MOV10L1: variants seen among roughly 807,000 people sequenced by gnomAD.
The protein encoded by MOV10L1 is RNA helicase Mov10l1.
In MOV10L1, 110 loss-of-function variants were observed where a neutral mutation model predicts 143.8. That is an observed-to-expected ratio of 0.76 (90% CI 0.66 to 0.90). The LOEUF (loss-of-function observed/expected upper bound fraction) is 0.90. Among genes scored for constraint, MOV10L1 ranks in the 40% least tolerant of loss-of-function variants. The probability of loss-of-function intolerance (pLI) is 0.00; values close to 1 mark genes in which losing one functional copy is unlikely to be tolerated. For synonymous variants in MOV10L1, 593 were observed against 581.1 expected (o/e 1.02, Z -0.29); for missense variants, 1,406 against 1,526.8 (o/e 0.92, Z 1.32).
chr22:50,113,599 A>G, intron 5 of MOV10L1, 49 bp from the exon 6 acceptor site: 3 of 1,593,666 alleles, frequency 1.9e-6, no homozygotes, highest in South Asian at 1.1e-5. Context: ...CAGGCGAGGA[A>G]GGGGTGGTGC....
At chr22:50,127,970 C>G (rs1189413731) in intron 12 of MOV10L1, among the ~76,000 whole-genome samples, 3 of 152,072 alleles carry the variant, frequency 2.0e-5, no homozygotes, top group Non-Finnish European at 4.4e-5. Context: ...ATGGTTTCGC[C>G]CCGTTGGCCA....
intron 3 of MOV10L1, among the ~76,000 whole-genome samples, chr22:50,105,073 G>A (rs1332389868): frequency 6.6e-6 from 1 of 152,066 alleles, no homozygotes; most frequent in Non-Finnish European, 1.5e-5. Flanking sequence ...TGTGTTTCTT[G>A]TAGAGACAGG....
chr22:50,115,540 G>T (rs1188826168), intron 8 of MOV10L1, among the ~76,000 whole-genome samples: 1 of 152,160 alleles, frequency 6.6e-6, no homozygotes, highest in Non-Finnish European at 1.5e-5. Context: ...GACGGAGCAA[G>T]ACTCTGTCTC....
At chr22:50,117,814 G>T (rs2062224038) in intron 9 of MOV10L1, among the ~76,000 whole-genome samples, 1 of 152,218 alleles carries the variant, frequency 6.6e-6, no homozygotes, top group Non-Finnish European at 1.5e-5. Flanking sequence ...AGGAGAAGCA[G>T]TGTGTGATCT....
chr22:50,125,479 A>C lies in MOV10L1; in HGVS notation c.1657A>C (p.Asn553His). The change falls in exon 11 of 27, where the codon AAC (asparagine) becomes CAC (histidine). Residue 553 changes from asparagine (N) to histidine (H), a missense_variant. This residue lies in a region of MOV10L1 where 1,233 missense variants were observed against 1,351.4 expected (regional missense o/e 0.91). Transcript: ENST00000262794. ...IYAEMELKEYNMSGIILRRNG... is the reference protein window; with the variant it reads ...IYAEMELKEYHMSGIILRRNG... ...TGCAGAAATGGAACTGAAAGAGTAT[A>C]ACATGAGCGGGATCATCTTAAGAAG... 1.2e-6 allele frequency: 2 copies of C among 1,614,216 alleles called. No homozygotes were observed. Among genetic ancestry groups the C allele is most frequent in the Non-Finnish European group, 8.5e-7 (1 of 1,180,038 alleles).
At chr22:50,094,776 T>G (rs1254252961) in intron 2 of MOV10L1, 1 of 152,220 alleles carries the variant, frequency 6.6e-6, no homozygotes, top group Admixed American at 6.5e-5. Context: ...ATGTACTTTA[T>G]TATACTATTA....
At chr22:50,102,896 T>C (rs2061781459) in intron 3 of MOV10L1, among the ~76,000 whole-genome samples, 1 of 151,596 alleles carries the variant, frequency 6.6e-6, no homozygotes, top group African/African-American at 2.4e-5. Context: ...GCAAAACTCC[T>C]TCTCAAAAAA....
Position 50,114,614 on chromosome 22 carries a change from T to C in MOV10L1, c.1118T>C (p.Ile373Thr), listed in dbSNP as rs2062116395. ...SESSLVNNRG[I>T]SPGDCTCKGE... ...AGCAGTTTGGTGAACAACAGAGGAATCTCTCCAGGTAGTGGACGTTTCGGC... is the reference window on the plus strand; with the variant it reads ...AGCAGTTTGGTGAACAACAGAGGAACCTCTCCAGGTAGTGGACGTTTCGGC... Residue 373 changes from isoleucine (I) to threonine (T), a missense_variant, in exon 7 of 27, where the codon ATC becomes ACC. By Grantham distance (89) the Ile-to-Thr change is moderately conservative. Coordinates refer to ENST00000262794, the MANE Select transcript of MOV10L1 (RefSeq NM_018995.3). 13 of 1,613,912 alleles carry C rather than the reference T, an allele frequency of 8.1e-6. No individual in the cohort carries two copies. Among genetic ancestry groups the C allele is most frequent in the Non-Finnish European group, 1.1e-5 (13 of 1,179,958 alleles).
intron 12 of MOV10L1, among the ~76,000 whole-genome samples, chr22:50,127,770 G>GT (rs34095613): frequency 0.22 from 33,562 of 150,410 alleles, 4,113 homozygotes; most frequent in Admixed American, 0.35. Context: ...TGTAATGACT[G>GT]TTTTTTTTGT....
At chr22:50,092,422 G>A (rs1240482772) in intron 2 of MOV10L1, among the ~76,000 whole-genome samples, 1 of 152,120 alleles carries the variant, frequency 6.6e-6, no homozygotes, top group African/African-American at 2.4e-5. Context: ...CTTGAGCTCA[G>A]GTGTTAAGAG....
At position 50,160,769 on chromosome 22, in the gene MOV10L1, A is replaced by G. The variant is rs1045489818; in HGVS notation, c.3406A>G (p.Ile1136Val). ...CAACTCAAAAAGATTTAATGTTGCA[A>G]TCACCAGACCCAAAGCTTTGCTGAT... is the stretch of plus-strand genomic sequence containing the variant. Reference protein sequence around the residue: ...LSNSKRFNVAITRPKALLIVL... With the variant: ...LSNSKRFNVAVTRPKALLIVL... The change falls in exon 25 of 27, where the codon ATC (isoleucine) becomes GTC (valine). Residue 1136 changes from isoleucine (I) to valine (V), a missense_variant. Transcript: ENST00000262794. 41 of 1,614,086 alleles carry G rather than the reference A, an allele frequency of 2.5e-5. No homozygotes were observed. Among genetic ancestry groups the G allele is most frequent in the Middle Eastern group, 1.6e-4 (1 of 6,062 alleles).
intron 22 of MOV10L1, 99 bp downstream of exon 22, chr22:50,153,317 G>A (rs899615197): frequency 1.3e-5 from 18 of 1,368,170 alleles, no homozygotes; most frequent in Middle Eastern, 1.9e-4. Context: ...TGCCTGTGGC[G>A]GGGCAGATGT....
chr22:50,113,728 A>G lies in MOV10L1; in HGVS notation c.824A>G (p.Gln275Arg). ...LKNKGDIEVT[Q>R]VTHFGTLKEG... Reference sequence around the variant, plus strand: ...AACAAAGGTGATATTGAAGTTACACAGGTGACGCATTTTGGAACCCTAAAG... The same window carrying G: ...AACAAAGGTGATATTGAAGTTACACGGGTGACGCATTTTGGAACCCTAAAG... The change falls in exon 6 of 27, where the codon CAG becomes CGG. Residue 275 changes from glutamine (Q) to arginine (R), a missense_variant. This residue lies in a region of MOV10L1 where 1,233 missense variants were observed against 1,351.4 expected (regional missense o/e 0.91). Transcript: ENST00000262794. 6.2e-7 allele frequency: 1 copy of G among 1,614,134 alleles called. No homozygotes were observed. Among genetic ancestry groups the G allele is most frequent in the South Asian group, 1.1e-5 (1 of 91,080 alleles).
chr22:50,130,272 C>T (rs1170296051), intron 13 of MOV10L1, among the ~76,000 whole-genome samples: 1 of 151,518 alleles, frequency 6.6e-6, no homozygotes, highest in East Asian at 1.9e-4. Context: ...GACTCTGTCT[C>T]AAAAAATAAA....
intron 3 of MOV10L1, among the ~76,000 whole-genome samples, chr22:50,100,645 A>G (rs1361169023): frequency 6.6e-6 from 1 of 151,902 alleles, no homozygotes; most frequent in Non-Finnish European, 1.5e-5. Flanking sequence ...TCCTGAGACT[A>G]CAGGTGCCCA....
chr22:50,159,784 C>A lies in MOV10L1; in HGVS notation c.3323C>A (p.Thr1108Asn). Reference sequence around the variant, plus strand: ...GAGTATCTGGTCATCATCATTTCGACCGTAGGTATCCCTGTTCTCCGTGGG... The same window carrying A: ...GAGTATCTGGTCATCATCATTTCGAACGTAGGTATCCCTGTTCTCCGTGGG... ...GQEYLVIIIS[T>N]VRSNEDRFED... Residue 1108 changes from threonine to asparagine, a missense_variant and splice_region_variant, in exon 24 of 27, where the codon ACC becomes AAC. Thr to Asn is a moderately conservative substitution (Grantham distance 65, BLOSUM62 0). Transcript: ENST00000262794. The surrounding 1 kb of genome is among the most constrained non-coding windows in gnomAD (Gnocchi z 4.1). The A allele has an allele frequency of 6.2e-7, 1 of 1,600,722 alleles. No homozygotes were observed. The highest frequency in any genetic ancestry group is 1.7e-5 in the Admixed American group (1 of 59,772).
intron 12 of MOV10L1, among the ~76,000 whole-genome samples, chr22:50,128,062 G>A (rs185347535): frequency 7.2e-5 from 11 of 152,122 alleles, no homozygotes; most frequent in African/African-American, 2.2e-4. Flanking sequence ...GTGAGCCACC[G>A]CACCCAGCAG....
chr22:50,137,816 TATAA>T (rs1459334313), intron 15 of MOV10L1, among the ~76,000 whole-genome samples: 1 of 95,600 alleles, frequency 1.0e-5, no homozygotes, highest in Non-Finnish European at 2.3e-5. Context: ...TATATACATA[TATAA>T]ATATACATAT....
In MOV10L1 at chr22:50,152,574, G is replaced by C. The variant is rs138272; in HGVS notation, c.2893-471G>C. 2.6e-5 allele frequency among the ~76,000 whole-genome samples: 4 copies of C among 151,960 alleles called. No individual in the cohort carries two copies. Among genetic ancestry groups the C allele is most frequent in the Admixed American group, 6.5e-5 (1 of 15,274 alleles). ...AGCCAGGCCCGCCCAGGGCTGGCCAGGCCCCCAGAGTCACAGTGTCTATGC... is the reference window on the plus strand; with the variant it reads ...AGCCAGGCCCGCCCAGGGCTGGCCACGCCCCCAGAGTCACAGTGTCTATGC... On this transcript the variant is annotated intron_variant, in intron 21 of 26. Transcript: ENST00000262794. This position sits in a 1 kb window ranked among gnomAD's most constrained non-coding sequence, Gnocchi z 4.4.
Sources: allele counts gnomAD v4.1 joint callset (sites outside exome capture counted in the v4.1 genomes callset), GRCh38; gene constraint gnomAD v4.1.1; regional missense constraint gnomAD v4.1.1; non-coding constraint Gnocchi (gnomAD v3.1); transcripts MANE v1.5; gene names NCBI Gene and HGNC (gene_info 2026-07-23, HGNC 2026-07-21).